The following CDC42SE1 variants were observed in gnomAD, a reference collection of about 807,000 sequenced individuals.
CDC42SE1 encodes CDC42 small effector 1.
In CDC42SE1, 10 loss-of-function variants were observed where a neutral mutation model predicts 10.9. The ratio of observed to expected loss-of-function variants is 0.92; its 90% CI spans 0.57 to 1.56. The LOEUF is 1.56. Among genes scored for constraint, CDC42SE1 ranks in the 40% most tolerant of loss-of-function variants. The pLI, the probability that CDC42SE1 is intolerant of heterozygous loss-of-function variation, is 0.00. For missense variants in CDC42SE1, 81 were observed against 100.8 expected, an observed-to-expected ratio of 0.80 and a Z score of 0.84; for synonymous variants, 24 against 32.0, an observed-to-expected ratio of 0.75 and a Z score of 0.85.
In CDC42SE1 at chr1:151,052,484, C is replaced by G. The variant is rs1394476709; in HGVS notation, c.*860G>C. 6.6e-6 allele frequency: 1 copy of G among 152,590 alleles called. No homozygotes were observed. Among genetic ancestry groups the G allele is most frequent in the Non-Finnish European group, 1.5e-5 (1 of 68,034 alleles). The allele number at this position is 152,590 out of a possible 1,614,324, so 9.5% of individuals were successfully genotyped here. A position where few individuals can be genotyped will look rare whatever the true frequency, so the allele number is the denominator to read the frequency against. On this transcript the variant is annotated 3_prime_UTR_variant, in exon 5 of 5. Transcript: ENST00000357235. ...TGGGTTTCTTTCCAGACCCCTCTTC[C>G]TCCTCTCACCTGGGCCAGCAGGGAG...
rs1441223207 is a variant in CDC42SE1 at position 151,057,519 on chromosome 1, A to C, written c.-263-1526T>G. On this transcript the variant is annotated intron_variant, in intron 1 of 4. Transcript: ENST00000357235. This position sits in a 1 kb window ranked among gnomAD's most constrained non-coding sequence, Gnocchi z 4.0. ...CAAGAGCGAAACTCCGCCTCAAAAA[A>C]AACACACACAAAAAAACGAGATAGC... Among the ~76,000 whole-genome samples the C allele has an allele frequency of 6.6e-6, 1 of 151,968 alleles. No individual in the cohort carries two copies. The highest frequency in any genetic ancestry group is 2.4e-5 in the African/African-American group (1 of 41,344).
intron 1 of CDC42SE1, chr1:151,058,401 GAAGT>G (rs1376529253): frequency 2.0e-5 from 3 of 152,598 alleles, no homozygotes; most frequent in Non-Finnish European, 4.4e-5. Context: ...GCCAGAAAAG[GAAGT>G]AAGAGCCACT....
rs999399825 is a variant in CDC42SE1, at chr1:151,057,255, C to G, written c.-263-1262G>C. Among the ~76,000 whole-genome samples, 7 of 152,260 alleles carry G rather than the reference C, an allele frequency of 4.6e-5. No homozygotes were observed. Among genetic ancestry groups the G allele is most frequent in the African/African-American group, 1.7e-4 (7 of 41,468 alleles). On this transcript the variant is annotated intron_variant, in intron 1 of 4. Transcript: ENST00000357235. This position sits in a 1 kb window ranked among gnomAD's most constrained non-coding sequence, Gnocchi z 4.0. ...ACAAGAGATAGGCCGGGCGTGGTGGCTCACGCCTGTAATCCCAGCACTTTG... is the reference window on the plus strand; with the variant it reads ...ACAAGAGATAGGCCGGGCGTGGTGGGTCACGCCTGTAATCCCAGCACTTTG...
chr1:151,055,379 G>A, intron 2 of CDC42SE1: 2 of 593,976 alleles, frequency 3.4e-6, no homozygotes, highest in South Asian at 2.0e-5. Flanking sequence ...ACATGTCAAA[G>A]TCACCTCTGA....
At position 151,051,405 on chromosome 1, in the gene CDC42SE1, A is replaced by AAAT. The variant is rs1428422593; in HGVS notation, c.*1938_*1939insATT. ...TACATGGAAATTTGAAAAAAAAAAA[A>AAAT]AAAAAAAAAAAAAAAGAACCTCAGT... On this transcript the variant is annotated 3_prime_UTR_variant, in exon 5 of 5. Coordinates refer to ENST00000357235, the MANE Select transcript of CDC42SE1 (RefSeq NM_020239.4). 1.4e-5 allele frequency: 2 copies of AAAT among 148,074 alleles called. No individual in the cohort carries two copies. The highest frequency in any genetic ancestry group is 1.5e-5 in the Non-Finnish European group (1 of 66,876). The allele number at this position is 148,074 out of a possible 1,614,324, so 9.2% of individuals were successfully genotyped here. A position where few individuals can be genotyped will look rare whatever the true frequency, so the allele number is the denominator to read the frequency against.
rs1412857931 is a variant in CDC42SE1 at position 151,057,513 on chromosome 1, C to CA, written c.-263-1521dup. The stretch of plus-strand genomic sequence containing the variant: ...GGGCAACAAGAGCGAAACTCCGCCT[C>CA]AAAAAAAACACACACAAAAAAACGA... On this transcript the variant is annotated intron_variant, in intron 1 of 4. Transcript: ENST00000357235. This position sits in a 1 kb window ranked among gnomAD's most constrained non-coding sequence, Gnocchi z 4.0. Among the ~76,000 whole-genome samples the CA allele has an allele frequency of 4.6e-5, 7 of 151,244 alleles. No homozygotes were observed. The highest frequency in any genetic ancestry group is 9.7e-5 in the African/African-American group (4 of 41,130).
At chr1:151,059,304 GCGCACC>G (rs1214938457) in intron 1 of CDC42SE1, 169 bp downstream of exon 1, 1 of 152,212 alleles carries the variant, frequency 6.6e-6, no homozygotes. Context: ...GCCTCAGCCT[GCGCACC>G]CCAGGAGCGT....
chr1:151,056,369 A>T (rs587670740), intron 1 of CDC42SE1, among the ~76,000 whole-genome samples: 3 of 152,086 alleles, frequency 2.0e-5, no homozygotes. Flanking sequence ...CATTTAAGTG[A>T]CTCTGAAGAG....
Position 151,055,887 on chromosome 1 carries a change from T to C in CDC42SE1, c.-157A>G. ...AGACAAAGTGGAATCCCTGGAACCT[T>C]TAACTGAGCAGTGAAGGTCAGTGTC... On this transcript the variant is annotated 5_prime_UTR_variant, in exon 2 of 5. Transcript: ENST00000357235. The C allele has an allele frequency of 4.5e-6, 3 of 669,964 alleles. No homozygotes were observed. The highest frequency in any genetic ancestry group is 5.4e-6 in the Non-Finnish European group (2 of 368,256). 41.5% of individuals were successfully genotyped at this position (669,964 alleles called of 1,614,324 possible).
intron 1 of CDC42SE1, chr1:151,059,214 C>A (rs182021807): frequency 3.9e-5 from 6 of 152,628 alleles, no homozygotes; most frequent in Admixed American, 1.3e-4. Context: ...GGACTGGGAC[C>A]TCTCTGGGAA....
rs1676167402 is a variant in CDC42SE1, at chr1:151,051,080, AG to A, written c.*2263del. ...TCAAACCCATTCCCATCACTTTATTAGTGATGGTAGCATACATATTAGAGAA... is the reference window on the plus strand; with the variant it reads ...TCAAACCCATTCCCATCACTTTATTATGATGGTAGCATACATATTAGAGAA... On this transcript the variant is annotated 3_prime_UTR_variant, in exon 5 of 5. Coordinates refer to ENST00000357235, the MANE Select transcript of CDC42SE1 (RefSeq NM_020239.4). 6.6e-6 allele frequency: 1 copy of A among 152,186 alleles called. No individual in the cohort carries two copies. The highest frequency in any genetic ancestry group is 1.5e-5 in the Non-Finnish European group (1 of 68,044). 9.4% of individuals were successfully genotyped at this position (152,186 alleles called of 1,614,324 possible).
At chr1:151,054,783 T>C (rs587598755) in intron 3 of CDC42SE1, among the ~76,000 whole-genome samples, 1 of 152,216 alleles carries the variant, frequency 6.6e-6, no homozygotes, top group East Asian at 1.9e-4. Context: ...TTAAGATATA[T>C]ATACCCCCTA....
At position 151,052,145 on chromosome 1, in the gene CDC42SE1, G is replaced by T. The variant is rs1676194802; in HGVS notation, c.*1199C>A. On this transcript the variant is annotated 3_prime_UTR_variant, in exon 5 of 5. Coordinates refer to ENST00000357235, the MANE Select transcript of CDC42SE1 (RefSeq NM_020239.4). ...GTGGTTCTCAAATGGAGGCGATTTT[G>T]CCCCCTAGGAGAAATCTGGCAATGT... The T allele has an allele frequency of 6.6e-6, 1 of 152,104 alleles. No homozygotes were observed. Among genetic ancestry groups the T allele is most frequent in the Admixed American group, 6.6e-5 (1 of 15,254 alleles). The allele number at this position is 152,104 out of a possible 1,614,324, so 9.4% of individuals were successfully genotyped here.
chr1:151,054,182 G>T, intron 4 of CDC42SE1, 49 bp downstream of exon 4: 1 of 1,164,520 alleles, frequency 8.6e-7, no homozygotes. Flanking sequence ...GTATCAGGTT[G>T]TGCTGTTATG....
At chr1:151,056,075 A>G (rs1571852497) in intron 1 of CDC42SE1, 82 bp from the exon 2 acceptor site, 9 of 344,116 alleles carry the variant, frequency 2.6e-5, no homozygotes, top group East Asian at 6.4e-5. Flanking sequence ...TGATGAGCCT[A>G]TATCTTCCCA....
At position 151,055,828 on chromosome 1, in the gene CDC42SE1, C is replaced by T. The variant is rs1252938906; in HGVS notation, c.-98G>A. 1 of 1,002,854 alleles carries T rather than the reference C, an allele frequency of 1.0e-6. No individual in the cohort carries two copies. 62.1% of individuals were successfully genotyped at this position (1,002,854 alleles called of 1,614,324 possible). A position where few individuals can be genotyped will look rare whatever the true frequency, so the allele number is the denominator to read the frequency against. On this transcript the variant is annotated 5_prime_UTR_variant, in exon 2 of 5. In the 5' UTR this introduces an upstream ATG that the reference lacks. Transcript: ENST00000357235. ...CCACTCCTCACTCTCCCCAGATACACCACCACCCTGGGTTCACTCAGCTGG... is the reference window on the plus strand; with the variant it reads ...CCACTCCTCACTCTCCCCAGATACATCACCACCCTGGGTTCACTCAGCTGG...
At position 151,051,477 on chromosome 1, in the gene CDC42SE1, A is replaced by G. The variant is rs943279560; in HGVS notation, c.*1867T>C. ...AAACTGAATGGGTGGTGGAATTGGC[A>G]GAATGGATACCAGTTCCTACATTCC... On this transcript the variant is annotated 3_prime_UTR_variant, in exon 5 of 5. Coordinates refer to ENST00000357235, the MANE Select transcript of CDC42SE1 (RefSeq NM_020239.4). 6.9e-6 allele frequency: 1 copy of G among 145,092 alleles called. No individual in the cohort carries two copies. The highest frequency in any genetic ancestry group is 7.2e-5 in the Admixed American group (1 of 13,958). 9.0% of individuals were successfully genotyped at this position (145,092 alleles called of 1,614,324 possible).
Position 151,055,083 on chromosome 1 carries a change from G to T in CDC42SE1, c.98C>A (p.Pro33Gln). The T allele has an allele frequency of 6.2e-7, 1 of 1,613,564 alleles. No individual in the cohort carries two copies. The highest frequency in any genetic ancestry group is 8.5e-7 in the Non-Finnish European group (1 of 1,179,956). The part of the protein sequence containing the change: ...RRIDRTMIGE[P>Q]MNFVHLTHIG... ...GTGAGTCAGGTGAACAAAATTCATT[G>T]GTTCCCCAATCATGGTCCGGTCAAT... The change falls in exon 3 of 5, where the codon CCA (proline) becomes CAA (glutamine). Residue 33 changes from proline to glutamine, a missense_variant. Pro to Gln is a moderately conservative substitution (Grantham distance 76). Transcript: ENST00000357235.
Position 151,053,114 on chromosome 1 carries a change from G to A in CDC42SE1, c.*230C>T, listed in dbSNP as rs1676213355. 1 of 152,394 alleles carries A rather than the reference G, an allele frequency of 6.6e-6. No homozygotes were observed. The allele number at this position is 152,394 out of a possible 1,614,324, so 9.4% of individuals were successfully genotyped here. A position where few individuals can be genotyped will look rare whatever the true frequency, so the allele number is the denominator to read the frequency against. The stretch of plus-strand genomic sequence containing the variant: ...TCAGCTGAGCTCCTCTGGCTAACCA[G>A]TAGTCACTTGATCAGTCCTGCTGCC... On this transcript the variant is annotated 3_prime_UTR_variant, in exon 5 of 5. Transcript: ENST00000357235.
Sources: gnomAD v4.1 joint callset for allele counts (sites outside exome capture counted in the v4.1 genomes callset) on GRCh38, gnomAD v4.1.1 for gene constraint, Gnocchi (gnomAD v3.1) non-coding constraint, MANE v1.5 for transcripts, NCBI Gene and HGNC (gene_info 2026-07-23, HGNC 2026-07-21) for gene names.